SEMA3D: variants seen among roughly 807,000 people sequenced by gnomAD.
The protein encoded by SEMA3D is semaphorin-3D.
In SEMA3D, 84 loss-of-function variants were observed where a neutral mutation model predicts 100.1. That is an observed-to-expected ratio of 0.84 (90% CI 0.70 to 1.01). The LOEUF (loss-of-function observed/expected upper bound fraction) is 1.01. Among genes scored for constraint, SEMA3D ranks in the 50% least tolerant of loss-of-function variants. The probability of loss-of-function intolerance (pLI) is 0.00; values close to 1 mark genes in which losing one functional copy is unlikely to be tolerated. For missense variants in SEMA3D, 875 were observed against 934.1 expected, an observed-to-expected ratio of 0.94 and a Z score of 0.82; for synonymous variants, 312 against 320.7, an observed-to-expected ratio of 0.97 and a Z score of 0.29.
At chr7:85,061,883 C>T (rs1231177037) in intron 8 of SEMA3D, among the ~76,000 whole-genome samples, 1 of 152,164 alleles carries the variant, frequency 6.6e-6, no homozygotes, top group Non-Finnish European at 1.5e-5. Context: ...TTCCCTGGCT[C>T]CAGCCAGACT....
At position 85,160,438 on chromosome 7, in the gene SEMA3D, G is replaced by C. The variant is rs1790715656; in HGVS notation, c.-172-6699C>G. ...AAAGAACAAGAGAGACAGAGTCATA[G>C]TGAAAGAGAGAGAGAAATTGAAACT... is the stretch of plus-strand genomic sequence containing the variant. On this transcript the variant is annotated intron_variant, in intron 1 of 18. Transcript: ENST00000284136. Among the ~76,000 whole-genome samples the C allele has an allele frequency of 2.0e-5, 3 of 152,140 alleles. 1 individual carries two copies. The South Asian group carries it at 6.2e-4, about 31-fold the overall frequency.
At chr7:85,228,492 C>T in the SEMA3D span, among the ~76,000 whole-genome samples, 1 of 152,078 alleles carries the variant, frequency 6.6e-6, no homozygotes, top group Non-Finnish European at 1.5e-5. Context: ...ACACAGTGGT[C>T]TAATATTTAC....
chr7:85,008,757 G>A (rs114334354), intron 17 of SEMA3D, among the ~76,000 whole-genome samples: 1,736 of 151,838 alleles, frequency 0.011, 36 homozygotes, highest in African/African-American at 0.04. Flanking sequence ...TCAGAGTCAG[G>A]AATGATGGTG....
chr7:85,029,401 A>T (rs894705928), intron 12 of SEMA3D: 1 of 908,708 alleles, frequency 1.1e-6, no homozygotes. Context: ...TGTGTTCAAC[A>T]TGAAAGCAAC....
the SEMA3D span, among the ~76,000 whole-genome samples, chr7:85,232,924 A>C: frequency 4.6e-5 from 7 of 152,138 alleles, no homozygotes; most frequent in African/African-American, 1.7e-4. Flanking sequence ...ATGAGTCCTT[A>C]TTTCTGAATG....
intron 8 of SEMA3D, 119 bp from the exon 9 acceptor site, chr7:85,055,978 C>A: frequency 3.9e-6 from 2 of 512,490 alleles, no homozygotes; most frequent in South Asian, 2.1e-5. Context: ...GAACTATAAG[C>A]CAGATGTGGG....
At chr7:85,129,054 C>A (rs1188744637) in intron 2 of SEMA3D, among the ~76,000 whole-genome samples, 2 of 151,498 alleles carry the variant, frequency 1.3e-5, no homozygotes, top group Non-Finnish European at 2.9e-5. Context: ...ACTTGCCCAG[C>A]TAATTTTTTT....
chr7:85,245,285 G>A, the SEMA3D span, among the ~76,000 whole-genome samples: 3 of 152,138 alleles, frequency 2.0e-5, no homozygotes, highest in African/African-American at 7.2e-5. Context: ...AAGAGAACCT[G>A]CAGAGGCTGA....
intron 1 of SEMA3D, among the ~76,000 whole-genome samples, chr7:85,171,665 G>A (rs944932192): frequency 2.6e-5 from 4 of 151,684 alleles, no homozygotes; most frequent in Non-Finnish European, 5.9e-5. Context: ...CCTTTATGTC[G>A]CCCACAAAAT....
At chr7:85,133,249 T>C (rs982946548) in intron 2 of SEMA3D, among the ~76,000 whole-genome samples, 3 of 151,980 alleles carry the variant, frequency 2.0e-5, no homozygotes, top group Non-Finnish European at 4.4e-5. Flanking sequence ...GTAGTATCAG[T>C]TTCTGAGCTG....
At chr7:85,147,092 C>CTTTTCTTTTTTTTTTTTTTTTT (rs1165953881) in intron 2 of SEMA3D, among the ~76,000 whole-genome samples, 32 of 48,182 alleles carry the variant, frequency 6.6e-4, no homozygotes, top group Non-Finnish European at 9.5e-4. Flanking sequence ...TTTTTCTTTT[C>CTTTTCTTTTTTTTTTTTTTTTT]TTTTTTTTTT....
At chr7:85,205,066 G>T in the SEMA3D span, among the ~76,000 whole-genome samples, 1 of 152,096 alleles carries the variant, frequency 6.6e-6, no homozygotes, top group Non-Finnish European at 1.5e-5. Flanking sequence ...TCACAAATAT[G>T]CTAGTCATTC....
the SEMA3D span, among the ~76,000 whole-genome samples, chr7:85,210,645 G>C: frequency 6.6e-6 from 1 of 151,934 alleles, no homozygotes; most frequent in Admixed American, 6.6e-5. Flanking sequence ...CAGGATTAAA[G>C]ATGATAAAGC....
At chr7:85,152,766 G>C (rs1199630177) in intron 2 of SEMA3D, among the ~76,000 whole-genome samples, 1 of 152,034 alleles carries the variant, frequency 6.6e-6, no homozygotes, top group African/African-American at 2.4e-5. Flanking sequence ...AAATTACTTG[G>C]TGCTTACATG....
chr7:85,227,225 C>A, the SEMA3D span, among the ~76,000 whole-genome samples: 1 of 152,110 alleles, frequency 6.6e-6, no homozygotes, highest in Non-Finnish European at 1.5e-5. Flanking sequence ...ATATTCACAT[C>A]ATTATTCTTT....
chr7:85,200,247 C>T, the SEMA3D span, among the ~76,000 whole-genome samples: 48 of 152,240 alleles, frequency 3.2e-4, no homozygotes, highest in African/African-American at 1.1e-3. Context: ...GTTTGGAGGG[C>T]TCAGAAGAAA....
intron 1 of SEMA3D, chr7:85,167,243 A>T: frequency 1.0e-6 from 1 of 982,952 alleles, no homozygotes; most frequent in Non-Finnish European, 1.2e-6. Flanking sequence ...TTTGCTTGCA[A>T]TGCCTCATCT....
chr7:85,229,848 C>T, the SEMA3D span, among the ~76,000 whole-genome samples: 1 of 152,132 alleles, frequency 6.6e-6, no homozygotes, highest in Admixed American at 6.5e-5. Flanking sequence ...CAGCCTTCTA[C>T]TTACTTTTCA....
chr7:85,109,726 T>G (rs921354586), intron 3 of SEMA3D, among the ~76,000 whole-genome samples: 1 of 151,982 alleles, frequency 6.6e-6, no homozygotes, highest in East Asian at 1.9e-4. Context: ...GACATTATTT[T>G]TAAAACTGTC....
Sources: gnomAD v4.1 joint callset for allele counts (sites outside exome capture counted in the v4.1 genomes callset) on GRCh38, gnomAD v4.1.1 for gene constraint, MANE v1.5 for transcripts, NCBI Gene and HGNC (gene_info 2026-07-23, HGNC 2026-07-21) for gene names.